Variants in ETS2 observed in about 807,000 individuals in gnomAD.
ETS2 encodes the protein ETS proto-oncogene 2, transcription factor, also known as protein C-ets-2.
ETS2 carries 19 observed loss-of-function variants against 54.9 expected under a neutral mutation model. That is an observed-to-expected ratio of 0.35 (90% confidence interval 0.24 to 0.51). The LOEUF (loss-of-function observed/expected upper bound fraction) is 0.51. Ranked by LOEUF, ETS2 falls within the 20% of genes least tolerant of loss-of-function variation. ETS2 has a pLI of 0.97. For missense variants in ETS2, 417 were observed against 593.0 expected (o/e 0.70, Z 3.08); for synonymous variants, 219 against 229.3 (o/e 0.95, Z 0.41).
At chr21:38,808,004 T>C (rs1406803691) in intron 1 of ETS2, among the ~76,000 whole-genome samples, 4 of 151,962 alleles carry the variant, frequency 2.6e-5, no homozygotes, top group African/African-American at 7.3e-5. Flanking sequence ...TTGGAAGGAG[T>C]AGTGAGAAGG....
rs2060966724 is a variant in ETS2, at chr21:38,823,519, T to G, written c.*630T>G. On this transcript the variant is annotated 3_prime_UTR_variant, in exon 10 of 10. Coordinates refer to ENST00000360938, the MANE Select transcript of ETS2 (RefSeq NM_005239.6). ...TATGGAATTTTGCAAAGATTTAATC[T>G]GCCAAGGGCCGACTAAGAGAAGTTG... The G allele has an allele frequency of 6.6e-6, 1 of 152,466 alleles. No homozygotes were observed. Among genetic ancestry groups the G allele is most frequent in the Non-Finnish European group, 1.5e-5 (1 of 68,050 alleles). 9.4% of individuals were successfully genotyped at this position (152,466 alleles called of 1,614,324 possible).
intron 1 of ETS2, among the ~76,000 whole-genome samples, chr21:38,807,563 T>C (rs2060898624): frequency 6.6e-6 from 1 of 152,210 alleles, no homozygotes; most frequent in Non-Finnish European, 1.5e-5. Flanking sequence ...ATTAGTTGTG[T>C]GTCTGCCTGA....
At position 38,811,481 on chromosome 21, in the gene ETS2, C is replaced by T. The variant is rs543652084; in HGVS notation, c.72+1375C>T. On this transcript the variant is annotated intron_variant, in intron 2 of 9. Transcript: ENST00000360938. ...CATTTCTAAAAAGAAAGCGGGTAAC[C>T]GATTTTATTTGTAAATGTGTTACAC... Among the ~76,000 whole-genome samples, 3 of 152,234 alleles carry T rather than the reference C, an allele frequency of 2.0e-5. No individual in the cohort carries two copies. The South Asian group carries it at 6.2e-4, about 32-fold the overall frequency.
chr21:38,815,230 GT>G (rs1470664862), intron 5 of ETS2, among the ~76,000 whole-genome samples: 3 of 151,830 alleles, frequency 2.0e-5, no homozygotes, highest in African/African-American at 7.3e-5. Flanking sequence ...CCACAAGGTA[GT>G]AGCCTTAGTC....
intron 2 of ETS2, among the ~76,000 whole-genome samples, chr21:38,812,606 C>A (rs2060917923): frequency 6.6e-6 from 1 of 152,102 alleles, no homozygotes; most frequent in South Asian, 2.1e-4. Context: ...CATGGTGAAA[C>A]CCTGTCTGTA....
chr21:38,819,801 T>A, intron 8 of ETS2, 35 bp downstream of exon 8: 1 of 1,590,550 alleles, frequency 6.3e-7, no homozygotes, highest in Non-Finnish European at 8.6e-7. Context: ...GGCCGCCCAG[T>A]CTCCTGGGTC....
intron 5 of ETS2, 42 bp downstream of exon 5, chr21:38,815,023 T>A: frequency 6.3e-7 from 1 of 1,593,116 alleles, no homozygotes; most frequent in African/African-American, 1.3e-5. Context: ...CAGGATGAGC[T>A]GTGGCCGGGA....
chr21:38,806,817 GTGTT>G lies in ETS2; in HGVS notation c.-1+700_-1+703del. ...AGCATTTGAATGAAGAGGTAACTGA[GTGTT>G]TGCTTGTGTGTGTTTGGGTTGCGTG... On this transcript the variant is annotated intron_variant, in intron 1 of 9. Transcript: ENST00000360938. This position sits in a 1 kb window ranked among gnomAD's most constrained non-coding sequence, Gnocchi z 4.3. 3 of 985,490 alleles carry G rather than the reference GTGTT, an allele frequency of 3.0e-6. No individual in the cohort carries two copies. Among genetic ancestry groups the G allele is most frequent in the Non-Finnish European group, 2.4e-6 (2 of 829,952 alleles). The allele number at this position is 985,490 out of a possible 1,614,324, so 61.0% of individuals were successfully genotyped here.
At chr21:38,816,901 T>A in intron 5 of ETS2, 107 bp from the exon 6 acceptor site, 2 of 688,644 alleles carry the variant, frequency 2.9e-6, no homozygotes, top group Admixed American at 4.2e-5. Context: ...ACTCCGTGCA[T>A]CTCATCATTC....
chr21:38,810,556 T>G (rs1458350477), intron 2 of ETS2, among the ~76,000 whole-genome samples: 1 of 152,230 alleles, frequency 6.6e-6, no homozygotes, highest in Non-Finnish European at 1.5e-5. Context: ...GTAGGTAGCC[T>G]GTTACTGGCT....
In ETS2 at chr21:38,821,647, G is replaced by C. The variant is rs776691299; in HGVS notation, c.1137G>C (p.Gln379His). Residue 379 changes from glutamine (Q) to histidine (H), a missense_variant, in exon 9 of 10, where the codon CAG (glutamine) becomes CAC (histidine). Coordinates refer to ENST00000360938, the MANE Select transcript of ETS2 (RefSeq NM_005239.6). The surrounding 1 kb of genome is among the most constrained non-coding windows in gnomAD (Gnocchi z 4.2). Reference sequence around the variant, plus strand: ...AGCTGCTATCAGACAAATCCTGCCAGTCATTCATCAGCTGGACTGGAGACG... The same window carrying C: ...AGCTGCTATCAGACAAATCCTGCCACTCATTCATCAGCTGGACTGGAGACG... ...LLELLSDKSC[Q>H]SFISWTGDGW... 5 of 1,614,072 alleles carry C rather than the reference G, an allele frequency of 3.1e-6. No individual in the cohort carries two copies. The highest frequency in any genetic ancestry group is 4.2e-6 in the Non-Finnish European group (5 of 1,180,030).
In ETS2 at chr21:38,813,053, T is replaced by C. The variant is rs757735341; in HGVS notation, c.123T>C (p.Pro41=). 1.5e-5 allele frequency: 24 copies of C among 1,614,204 alleles called. No individual in the cohort carries two copies. Among genetic ancestry groups the C allele is most frequent in the Non-Finnish European group, 1.9e-5 (23 of 1,179,994 alleles). ...TFDGSLFAVF[P]SLNEEQTLQE... is the part of the protein sequence containing the mutation. ...ATGGGTCCCTGTTTGCTGTTTTTCC[T>C]TCTCTAAATGAAGAGCAAACACTGC... Residue 41 remains proline (P), a synonymous_variant, in exon 3 of 10, where the codon CCT becomes CCC. Transcript: ENST00000360938.
chr21:38,809,707 C>T (rs1004509707), intron 1 of ETS2: 1 of 256,638 alleles, frequency 3.9e-6, no homozygotes, highest in African/African-American at 2.3e-5. Flanking sequence ...AAAAGCCTGA[C>T]CCAGGCCCTC....
At position 38,822,801 on chromosome 21, in the gene ETS2, G is replaced by A. The variant is rs1242969238; in HGVS notation, c.1322G>A (p.Arg441His). The change falls in exon 10 of 10, where the codon CGC becomes CAC. Residue 441 changes from arginine (R) to histidine (H), a missense_variant. Arg to His is a conservative substitution (Grantham distance 29, BLOSUM62 0). Transcript: ENST00000360938. ...ACGTCGGGGAAGCGCTACGTGTACC[G>A]CTTCGTGTGCGACCTCCAGAACTTG... ...HKTSGKRYVY[R>H]FVCDLQNLLG... The A allele has an allele frequency of 2.5e-6, 4 of 1,613,822 alleles. No homozygotes were observed. Among genetic ancestry groups the A allele is most frequent in the Non-Finnish European group, 3.4e-6 (4 of 1,179,822 alleles).
Position 38,806,275 on chromosome 21 carries a change from T to C in ETS2, c.-1+155T>C, listed in dbSNP as rs1042857960. ...GGGGTGGCGGCTGCTGCGAGGACTC[T>C]AGGGGCGCGCGTCTGAGTTCCGCGC... On this transcript the variant is annotated intron_variant, in intron 1 of 9. Transcript: ENST00000360938. The surrounding 1 kb of genome is among the most constrained non-coding windows in gnomAD (Gnocchi z 4.3). Among the ~76,000 whole-genome samples, 6 of 151,472 alleles carry C rather than the reference T, an allele frequency of 4.0e-5. No homozygotes were observed. The highest frequency in any genetic ancestry group is 8.8e-5 in the Non-Finnish European group (6 of 67,874).
chr21:38,805,915 G>T (rs540664963), upstream of ETS2: 7,771 of 1,242,834 alleles, frequency 6.3e-3, 31 homozygotes, highest in South Asian at 0.01. This position sits in a 1 kb window ranked among gnomAD's most constrained non-coding sequence, Gnocchi z 5.2. Flanking sequence ...AGCGCGCCGC[G>T]TGGGGGACGG....
chr21:38,810,507 G>A (rs1012481157), intron 2 of ETS2, among the ~76,000 whole-genome samples: 12 of 152,180 alleles, frequency 7.9e-5, no homozygotes, highest in Non-Finnish European at 1.5e-4. Flanking sequence ...AGACCCAACC[G>A]CTACAGCTCC....
At position 38,818,567 on chromosome 21, in the gene ETS2, C is replaced by G; in HGVS notation, c.732C>G (p.Leu244=). The change falls in exon 7 of 10, where the codon CTC becomes CTG. Residue 244 remains leucine (L), a synonymous_variant. Coordinates refer to ENST00000360938, the MANE Select transcript of ETS2 (RefSeq NM_005239.6). ...TTCAGATGTTCCCCAAGTCTCGGCTCAGCTCCGTCAGCGTCACCTACTGCT... is the reference window on the plus strand; with the variant it reads ...TTCAGATGTTCCCCAAGTCTCGGCTGAGCTCCGTCAGCGTCACCTACTGCT... The part of the protein sequence containing the change: ...QEFQMFPKSR[L]SSVSVTYCSV... 1 of 1,614,208 alleles carries G rather than the reference C, an allele frequency of 6.2e-7. No homozygotes were observed. The highest frequency in any genetic ancestry group is 1.1e-5 in the South Asian group (1 of 91,080).
chr21:38,806,083 C>A lies in ETS2; in HGVS notation c.-38C>A. 9.1e-7 allele frequency: 1 copy of A among 1,102,598 alleles called. No individual in the cohort carries two copies. The highest frequency in any genetic ancestry group is 1.1e-6 in the Non-Finnish European group (1 of 901,144). 68.3% of individuals were successfully genotyped at this position (1,102,598 alleles called of 1,614,324 possible). Reference sequence around the variant, plus strand: ...GCAGCCGCGGGCGCCGAGCAGCCACCGTCCCGACCAAGCGCCGGCCCTGCC... The same window carrying A: ...GCAGCCGCGGGCGCCGAGCAGCCACAGTCCCGACCAAGCGCCGGCCCTGCC... On this transcript the variant is annotated 5_prime_UTR_variant, in exon 1 of 10. Coordinates refer to ENST00000360938, the MANE Select transcript of ETS2 (RefSeq NM_005239.6). This position sits in a 1 kb window ranked among gnomAD's most constrained non-coding sequence, Gnocchi z 4.3.
Sources: gnomAD v4.1 joint callset for allele counts (sites outside exome capture counted in the v4.1 genomes callset) on GRCh38, gnomAD v4.1.1 for gene constraint, Gnocchi (gnomAD v3.1) non-coding constraint, MANE v1.5 for transcripts, NCBI Gene and HGNC (gene_info 2026-07-23, HGNC 2026-07-21) for gene names.